Variants in UVRAG observed in about 807,000 individuals in gnomAD.
The protein encoded by UVRAG is UV radiation resistance associated.
A neutral mutation model predicts 78.0 loss-of-function variants in UVRAG; 19 were observed. The observed-to-expected ratio is 0.24, with a 90% confidence interval of 0.17 to 0.36. The LOEUF (loss-of-function observed/expected upper bound fraction) is 0.36. UVRAG is among the 10% of genes least tolerant of loss of function. The probability of loss-of-function intolerance (pLI) is 1.00; values close to 1 mark genes in which losing one functional copy is unlikely to be tolerated. For synonymous variants in UVRAG, 323 were observed against 324.6 expected, an observed-to-expected ratio of 1.00 and a Z score of 0.05; for missense variants, 740 against 853.8, an observed-to-expected ratio of 0.87 and a Z score of 1.66.
At chr11:76,065,897 A>T in intron 13 of UVRAG, 109 bp downstream of exon 13, 1 of 927,778 alleles carries the variant, frequency 1.1e-6, no homozygotes, top group Non-Finnish European at 1.7e-6. Context: ...CCTCGCATTT[A>T]ACCAGTTACA....
chr11:75,969,094 C>G (rs1949079899), intron 7 of UVRAG, among the ~76,000 whole-genome samples: 1 of 152,132 alleles, frequency 6.6e-6, no homozygotes, highest in African/African-American at 2.4e-5. Flanking sequence ...CATCCATCTC[C>G]AGAAGTCTTT....
chr11:76,133,266 G>A (rs1952543622), intron 14 of UVRAG, among the ~76,000 whole-genome samples: 2 of 152,128 alleles, frequency 1.3e-5, no homozygotes, highest in African/African-American at 2.4e-5. Context: ...CACAGAAGAG[G>A]ACACCTAGGT....
intron 3 of UVRAG, among the ~76,000 whole-genome samples, chr11:75,878,768 G>A (rs1439151939): frequency 6.6e-6 from 1 of 152,084 alleles, no homozygotes; most frequent in Non-Finnish European, 1.5e-5. Context: ...GGCTGAGGCA[G>A]GAGAATCAGG....
chr11:75,951,380 G>C (rs1298485820), intron 6 of UVRAG, among the ~76,000 whole-genome samples: 1 of 150,926 alleles, frequency 6.6e-6, no homozygotes, highest in East Asian at 1.9e-4. Flanking sequence ...TTGTTTGTTT[G>C]TTTGTTTGTT....
At chr11:76,051,256 T>G (rs1950860936) in intron 12 of UVRAG, among the ~76,000 whole-genome samples, 1 of 148,516 alleles carries the variant, frequency 6.7e-6, no homozygotes, top group Non-Finnish European at 1.5e-5. Flanking sequence ...GATTTGGTGT[T>G]TTTTTTTTTC....
intron 12 of UVRAG, among the ~76,000 whole-genome samples, chr11:76,032,648 A>T (rs1950457033): frequency 6.6e-6 from 1 of 152,152 alleles, no homozygotes; most frequent in African/African-American, 2.4e-5. Context: ...CATGCTAGAG[A>T]TCAGCACAGG....
intron 13 of UVRAG, among the ~76,000 whole-genome samples, chr11:76,090,229 C>T (rs140208838): frequency 2.2e-3 from 335 of 152,234 alleles, no homozygotes; most frequent in African/African-American, 7.6e-3. Flanking sequence ...TTCATGTCCT[C>T]GCTTTACCTT....
At chr11:76,120,667 G>A (rs145911856) in intron 14 of UVRAG, among the ~76,000 whole-genome samples, 17 of 152,304 alleles carry the variant, frequency 1.1e-4, no homozygotes, top group East Asian at 5.8e-4. Flanking sequence ...TTATGGTACT[G>A]TAACGTAAAA....
intron 8 of UVRAG, among the ~76,000 whole-genome samples, chr11:75,994,043 C>G (rs957427815): frequency 2.6e-5 from 4 of 152,140 alleles, no homozygotes; most frequent in Non-Finnish European, 5.9e-5. Flanking sequence ...CCAGTACTTC[C>G]CATTATTCCT....
At chr11:75,886,970 T>TC (rs1947091667) in intron 4 of UVRAG, among the ~76,000 whole-genome samples, 1 of 150,370 alleles carries the variant, frequency 6.7e-6, no homozygotes, top group African/African-American at 2.5e-5. Context: ...TCCTTAATTT[T>TC]GTTTTTTTTT....
intron 7 of UVRAG, among the ~76,000 whole-genome samples, chr11:75,962,694 A>G (rs1206196899): frequency 1.3e-5 from 2 of 152,168 alleles, no homozygotes; most frequent in Non-Finnish European, 2.9e-5. Context: ...CTATAAATAT[A>G]TTGAAGGGGG....
At chr11:75,942,568 G>A (rs1948506150) in intron 6 of UVRAG, 1 of 152,036 alleles carries the variant, frequency 6.6e-6, no homozygotes, top group Non-Finnish European at 1.5e-5. Flanking sequence ...ATGTAAACAA[G>A]TCTAATAATT....
intron 1 of UVRAG, among the ~76,000 whole-genome samples, chr11:75,822,522 A>G (rs1945416099): frequency 6.6e-6 from 1 of 152,148 alleles, no homozygotes; most frequent in Non-Finnish European, 1.5e-5. Flanking sequence ...CCCCTACTTC[A>G]CATGCCAGAC....
At chr11:75,927,018 T>C (rs1948121659) in intron 6 of UVRAG, among the ~76,000 whole-genome samples, 1 of 152,028 alleles carries the variant, frequency 6.6e-6, no homozygotes, top group Non-Finnish European at 1.5e-5. Context: ...GTTTTACTCA[T>C]GAGATCCAGA....
chr11:75,860,170 G>A (rs543228793), intron 2 of UVRAG, among the ~76,000 whole-genome samples: 1 of 152,058 alleles, frequency 6.6e-6, no homozygotes, highest in Non-Finnish European at 1.5e-5. Flanking sequence ...GTCTTGAACT[G>A]CTGACTTCAG....
At chr11:76,086,516 A>G (rs977368554) in intron 13 of UVRAG, among the ~76,000 whole-genome samples, 14 of 152,144 alleles carry the variant, frequency 9.2e-5, no homozygotes, top group African/African-American at 3.4e-4. Context: ...GTGTTCCCAG[A>G]TCTTTGATGG....
intron 12 of UVRAG, among the ~76,000 whole-genome samples, chr11:76,045,282 T>A (rs1950728583): frequency 6.6e-6 from 1 of 152,248 alleles, no homozygotes; most frequent in South Asian, 2.1e-4. Context: ...CTTAGAGTTG[T>A]ACATCTCCAT....
intron 7 of UVRAG, among the ~76,000 whole-genome samples, chr11:75,975,588 TG>T (rs1233552887): frequency 1.3e-5 from 2 of 152,218 alleles, no homozygotes; most frequent in Non-Finnish European, 2.9e-5. Flanking sequence ...TCACATCCCT[TG>T]TAAGTTGGAT....
At chr11:76,078,907 C>CTG (rs1366005797) in intron 13 of UVRAG, among the ~76,000 whole-genome samples, 1 of 151,978 alleles carries the variant, frequency 6.6e-6, no homozygotes, top group African/African-American at 2.4e-5. Context: ...CCAGCCTGGG[C>CTG]TACAGAGCAA....
Sources: gnomAD v4.1 joint callset for allele counts (sites outside exome capture counted in the v4.1 genomes callset) on GRCh38, gnomAD v4.1.1 for gene constraint, MANE v1.5 for transcripts, NCBI Gene and HGNC (gene_info 2026-07-23, HGNC 2026-07-21) for gene names.